The following WWOX variants were observed in gnomAD, a reference collection of about 807,000 sequenced individuals.
The protein encoded by WWOX is WW domain-containing oxidoreductase.
A neutral mutation model predicts 46.2 loss-of-function variants in WWOX; 69 were observed. The observed-to-expected ratio is 1.49, with a 90% CI of 1.23 to 1.82. The LOEUF (loss-of-function observed/expected upper bound fraction) is 1.82. WWOX is among the 40% of genes most tolerant of loss of function. The probability of loss-of-function intolerance (pLI) is 0.00; values close to 1 mark genes in which losing one functional copy is unlikely to be tolerated. For missense variants in WWOX, 919 were observed against 542.6 expected (o/e 1.69, Z -6.89); for synonymous variants, 359 against 202.6 (o/e 1.77, Z -6.56).
intron 8 of WWOX, among the ~76,000 whole-genome samples, chr16:78,639,215 C>A (rs77105165): frequency 0.039 from 5,977 of 152,206 alleles, 358 homozygotes; most frequent in African/African-American, 0.14. Flanking sequence ...TCTGCATGTG[C>A]GCAAAGTCCT....
intron 8 of WWOX, among the ~76,000 whole-genome samples, chr16:78,676,302 G>A (rs981970557): frequency 2.0e-5 from 3 of 151,902 alleles, no homozygotes; most frequent in Non-Finnish European, 4.4e-5. Flanking sequence ...AGAAGCGAGG[G>A]TCTCAGACTT....
At chr16:78,101,971 G>A (rs2031824592) in intron 1 of WWOX, among the ~76,000 whole-genome samples, 1 of 152,068 alleles carries the variant, frequency 6.6e-6, no homozygotes, top group African/African-American at 2.4e-5. Flanking sequence ...TGGGGGGGTC[G>A]TGAGGGAATA....
chr16:78,865,914 A>G (rs2043993416), intron 8 of WWOX, among the ~76,000 whole-genome samples: 1 of 152,192 alleles, frequency 6.6e-6, no homozygotes, highest in African/African-American at 2.4e-5. Flanking sequence ...CCTTTGTGAT[A>G]GTTACTCAAC....
chr16:78,852,964 C>T (rs2052482832), intron 8 of WWOX, among the ~76,000 whole-genome samples: 1 of 152,182 alleles, frequency 6.6e-6, no homozygotes, highest in South Asian at 2.1e-4. Context: ...GTCAGATGAA[C>T]TGCAATTTAT....
intron 8 of WWOX, among the ~76,000 whole-genome samples, chr16:78,749,522 A>C (rs892383066): frequency 6.6e-5 from 10 of 152,094 alleles, no homozygotes; most frequent in African/African-American, 2.4e-4. Flanking sequence ...TTGTTGTTAC[A>C]ATTGTTGTTT....
At chr16:78,293,572 T>G (rs953412569) in intron 5 of WWOX, among the ~76,000 whole-genome samples, 1 of 152,094 alleles carries the variant, frequency 6.6e-6, no homozygotes, top group African/African-American at 2.4e-5. Context: ...CCCGTGCTGG[T>G]GGGAGAATTG....
intron 4 of WWOX, among the ~76,000 whole-genome samples, chr16:78,140,136 G>C (rs1201345440): frequency 1.3e-5 from 2 of 152,150 alleles, no homozygotes; most frequent in African/African-American, 2.4e-5. Flanking sequence ...GTGTCAAGTT[G>C]GTTGAAAACT....
At chr16:79,171,637 A>G (rs902976489) in intron 8 of WWOX, among the ~76,000 whole-genome samples, 10 of 152,200 alleles carry the variant, frequency 6.6e-5, no homozygotes, top group African/African-American at 2.4e-4. Flanking sequence ...CAGCCACCCA[A>G]GGGAGACTGG....
intron 5 of WWOX, among the ~76,000 whole-genome samples, chr16:78,229,533 A>T (rs5818119): frequency 0.29 from 42,769 of 145,376 alleles, 7,367 homozygotes; most frequent in East Asian, 0.49. Flanking sequence ...TATATATATA[A>T]AATAATGAAT....
At chr16:78,616,309 A>G (rs2151637158) in intron 8 of WWOX, among the ~76,000 whole-genome samples, 1 of 152,240 alleles carries the variant, frequency 6.6e-6, no homozygotes, top group Admixed American at 6.5e-5. Flanking sequence ...ATAATATATA[A>G]ACAACGGAAA....
chr16:78,188,927 T>C (rs1430862306), intron 5 of WWOX, among the ~76,000 whole-genome samples: 1 of 152,146 alleles, frequency 6.6e-6, no homozygotes, highest in African/African-American at 2.4e-5. Flanking sequence ...TTTAAAGTTA[T>C]TGAAGCAGGG....
intron 5 of WWOX, among the ~76,000 whole-genome samples, chr16:78,201,575 G>GCCT (rs1291371277): frequency 1.3e-5 from 2 of 152,154 alleles, no homozygotes; most frequent in Non-Finnish European, 2.9e-5. Context: ...CCTCAGCCAT[G>GCCT]CCTACCAGGT....
At chr16:78,161,732 G>A (rs2034800994) in intron 4 of WWOX, among the ~76,000 whole-genome samples, 1 of 152,142 alleles carries the variant, frequency 6.6e-6, no homozygotes, top group Admixed American at 6.5e-5. Context: ...ACTGTACCTA[G>A]TCATCTTCTC....
intron 5 of WWOX, among the ~76,000 whole-genome samples, chr16:78,359,444 G>A (rs1389615903): frequency 6.6e-6 from 1 of 152,084 alleles, no homozygotes; most frequent in Admixed American, 6.6e-5. Context: ...GCTGTAAGGA[G>A]CACATTTAGA....
intron 8 of WWOX, among the ~76,000 whole-genome samples, chr16:78,839,200 C>G (rs949592243): frequency 3.9e-5 from 6 of 152,154 alleles, no homozygotes; most frequent in African/African-American, 1.4e-4. Flanking sequence ...AAATTCAAAT[C>G]ACCCACGAGC....
intron 8 of WWOX, among the ~76,000 whole-genome samples, chr16:78,879,570 A>C (rs961095189): frequency 6.6e-6 from 1 of 152,020 alleles, no homozygotes; most frequent in Non-Finnish European, 1.5e-5. Flanking sequence ...AAGAGGCAAC[A>C]TTGTTTGTGC....
intron 8 of WWOX, among the ~76,000 whole-genome samples, chr16:78,657,775 G>C (rs1315340333): frequency 3.3e-5 from 5 of 152,092 alleles, no homozygotes; most frequent in African/African-American, 9.7e-5. Flanking sequence ...CTTGACTCTG[G>C]ATTTTCATTG....
chr16:78,325,671 CCTT>C (rs1555520003), intron 5 of WWOX, among the ~76,000 whole-genome samples: 2 of 152,186 alleles, frequency 1.3e-5, no homozygotes, highest in Non-Finnish European at 2.9e-5. Flanking sequence ...ATTTATTTCT[CCTT>C]CTTGGAGATT....
chr16:78,543,779 C>T (rs143100943), intron 8 of WWOX, among the ~76,000 whole-genome samples: 6 of 152,248 alleles, frequency 3.9e-5, no homozygotes, highest in South Asian at 2.1e-4. Context: ...ACTGACAATA[C>T]ACTGATGAGA....
Sources: gnomAD v4.1 joint callset for allele counts (sites outside exome capture counted in the v4.1 genomes callset) on GRCh38, gnomAD v4.1.1 for gene constraint, MANE v1.5 for transcripts, NCBI Gene and HGNC (gene_info 2026-07-23, HGNC 2026-07-21) for gene names.